Variants in EYS observed in about 807,000 individuals in gnomAD.
The protein encoded by EYS is EGF-like photoreceptor maintenance factor, also known as protein eyes shut homolog.
In EYS, 250 loss-of-function variants were observed where a neutral mutation model predicts 282.1. The observed-to-expected ratio is 0.89, with a 90% confidence interval of 0.80 to 0.98. EYS has a LOEUF of 0.98. EYS is among the 50% of genes least tolerant of loss of function. EYS has a pLI of 0.00. For missense variants in EYS, 4,016 were observed against 3,709.0 expected (o/e 1.08, Z -2.15); for synonymous variants, 1,355 against 1,282.9 (o/e 1.06, Z -1.20).
chr6:63,993,548 A>G (rs1767700078), intron 34 of EYS, among the ~76,000 whole-genome samples: 1 of 151,880 alleles, frequency 6.6e-6, no homozygotes, highest in African/African-American at 2.4e-5. Flanking sequence ...ATCACAAATA[A>G]GAAAACAATT....
At chr6:64,606,571 T>C (rs1766943992) in intron 24 of EYS, among the ~76,000 whole-genome samples, 1 of 152,106 alleles carries the variant, frequency 6.6e-6, no homozygotes. Flanking sequence ...AACTAATTTA[T>C]CATTAGAAAC....
At chr6:64,758,694 CT>C in intron 22 of EYS, among the ~76,000 whole-genome samples, 1 of 152,264 alleles carries the variant, frequency 6.6e-6, no homozygotes, top group Middle Eastern at 3.4e-3. Flanking sequence ...CAACAGATTT[CT>C]TTTCTTTCAT....
chr6:63,798,963 G>GTATATATATATATATATA (rs1231377496), intron 37 of EYS, among the ~76,000 whole-genome samples: 1 of 110,880 alleles, frequency 9.0e-6, no homozygotes, highest in Non-Finnish European at 1.8e-5. Context: ...ATGTATATGT[G>GTATATATATATATATATA]TATATATATA....
At chr6:64,129,574 G>C (rs2150280428) in intron 31 of EYS, among the ~76,000 whole-genome samples, 1 of 152,214 alleles carries the variant, frequency 6.6e-6, no homozygotes, top group South Asian at 2.1e-4. Flanking sequence ...CTCCCATTCT[G>C]TAGGTTGCCT....
At chr6:65,234,498 T>C (rs773803384) in intron 12 of EYS, among the ~76,000 whole-genome samples, 2 of 152,166 alleles carry the variant, frequency 1.3e-5, no homozygotes, top group Non-Finnish European at 2.9e-5. Flanking sequence ...GATGTAGCCT[T>C]TGGAGCTCTA....
At chr6:64,763,800 A>G (rs372324424) in intron 22 of EYS, among the ~76,000 whole-genome samples, 13 of 152,300 alleles carry the variant, frequency 8.5e-5, no homozygotes, top group Admixed American at 7.2e-4. Context: ...AAATTGGATA[A>G]ATCCTCCCAA....
intron 19 of EYS, among the ~76,000 whole-genome samples, chr6:64,830,250 CTA>C (rs1228392341): frequency 6.6e-6 from 1 of 151,938 alleles, no homozygotes; most frequent in East Asian, 1.9e-4. Flanking sequence ...TTCTTATCCT[CTA>C]GACCTATAAG....
At chr6:63,909,736 C>T (rs564745034) in intron 35 of EYS, among the ~76,000 whole-genome samples, 1 of 152,302 alleles carries the variant, frequency 6.6e-6, no homozygotes, top group African/African-American at 2.4e-5. Flanking sequence ...TTAAAATTAA[C>T]TGGGGAGGTG....
chr6:65,128,149 C>T (rs891823565), intron 12 of EYS, among the ~76,000 whole-genome samples: 34 of 151,856 alleles, frequency 2.2e-4, no homozygotes, highest in African/African-American at 7.7e-4. Flanking sequence ...CTAATTTTTA[C>T]AGCAGCTTAA....
At chr6:64,690,147 C>A (rs1001193254) in intron 22 of EYS, among the ~76,000 whole-genome samples, 1 of 151,674 alleles carries the variant, frequency 6.6e-6, no homozygotes, top group Non-Finnish European at 1.5e-5. Context: ...AACAAACAAC[C>A]CCATCAAAAA....
At chr6:65,680,551 A>G (rs934336509) in intron 1 of EYS, among the ~76,000 whole-genome samples, 3 of 151,978 alleles carry the variant, frequency 2.0e-5, no homozygotes, top group Non-Finnish European at 4.4e-5. Context: ...ATTCAAGAAA[A>G]ATGGATCACT....
intron 31 of EYS, among the ~76,000 whole-genome samples, chr6:64,106,349 AT>A (rs543681821): frequency 1.0e-3 from 153 of 152,274 alleles, no homozygotes; most frequent in Non-Finnish European, 2.0e-3. Flanking sequence ...CTGAAAAAAA[AT>A]CTTTGATGAA....
At chr6:63,726,418 A>T in intron 42 of EYS, 101 bp downstream of exon 42, 4 of 1,025,360 alleles carry the variant, frequency 3.9e-6, no homozygotes, top group Non-Finnish European at 2.8e-6. Flanking sequence ...AAAGCATCAA[A>T]TGTTTACATA....
At chr6:64,394,880 C>T (rs1006407884) in intron 28 of EYS, among the ~76,000 whole-genome samples, 2 of 152,172 alleles carry the variant, frequency 1.3e-5, no homozygotes, top group East Asian at 1.9e-4. Context: ...GCAACCTACT[C>T]ATCTGACAAA....
At chr6:65,028,490 G>A (rs1358247329) in intron 13 of EYS, among the ~76,000 whole-genome samples, 1 of 151,890 alleles carries the variant, frequency 6.6e-6, no homozygotes, top group East Asian at 1.9e-4. Context: ...ATTGACTATA[G>A]TTAATAATAA....
chr6:65,404,513 T>C (rs528571919), intron 6 of EYS, among the ~76,000 whole-genome samples: 3 of 152,086 alleles, frequency 2.0e-5, no homozygotes, highest in African/African-American at 7.2e-5. Flanking sequence ...CTCTTTGCCC[T>C]TGTATCTCCA....
At chr6:65,701,800 T>C (rs897671845) in intron 1 of EYS, among the ~76,000 whole-genome samples, 1 of 152,162 alleles carries the variant, frequency 6.6e-6, no homozygotes, top group Non-Finnish European at 1.5e-5. Context: ...GTTGCATAAA[T>C]AAATAAAAGG....
chr6:65,334,742 A>G (rs149384854), intron 11 of EYS, among the ~76,000 whole-genome samples: 11 of 151,916 alleles, frequency 7.2e-5, no homozygotes, highest in Non-Finnish European at 1.5e-5. Context: ...TAGAGAAGTT[A>G]TTTCTATACA....
intron 22 of EYS, among the ~76,000 whole-genome samples, chr6:64,634,317 G>A (rs1000465257): frequency 6.6e-6 from 1 of 152,132 alleles, no homozygotes; most frequent in Non-Finnish European, 1.5e-5. Flanking sequence ...AATTTTGAGG[G>A]TAGATTGTTA....
Sources: gnomAD v4.1 joint callset for allele counts (sites outside exome capture counted in the v4.1 genomes callset) on GRCh38, gnomAD v4.1.1 for gene constraint, MANE v1.5 for transcripts, NCBI Gene and HGNC (gene_info 2026-07-23, HGNC 2026-07-21) for gene names.